The following ARHGAP24 variants were observed in gnomAD, a reference collection of about 807,000 sequenced individuals.
The protein encoded by ARHGAP24 is Rho GTPase activating protein 24.
Under a neutral mutation model 76.4 loss-of-function variants are expected in ARHGAP24, and 50 were observed. That is an observed-to-expected ratio of 0.65 (90% CI 0.52 to 0.83). ARHGAP24 has a LOEUF of 0.83. Among genes scored for constraint, ARHGAP24 ranks in the 40% least tolerant of loss-of-function variants. The probability of loss-of-function intolerance (pLI) is 0.00; values close to 1 mark genes in which losing one functional copy is unlikely to be tolerated. For synonymous variants in ARHGAP24, 345 were observed against 323.3 expected, an observed-to-expected ratio of 1.07 and a Z score of -0.72; for missense variants, 930 against 914.2, an observed-to-expected ratio of 1.02 and a Z score of -0.22.
chr4:85,726,488 G>A (rs1451687804), intron 3 of ARHGAP24, among the ~76,000 whole-genome samples: 1 of 152,136 alleles, frequency 6.6e-6, no homozygotes, highest in East Asian at 1.9e-4. Flanking sequence ...CCCTGAGGCG[G>A]TGATCCCTCT....
intron 3 of ARHGAP24, among the ~76,000 whole-genome samples, chr4:85,737,987 C>T (rs1725664523): frequency 6.6e-6 from 1 of 152,104 alleles, no homozygotes; most frequent in Admixed American, 6.5e-5. Context: ...GTGGTATGAT[C>T]TCGGCTCACT....
chr4:85,885,182 G>A (rs746123547), intron 3 of ARHGAP24, among the ~76,000 whole-genome samples: 4 of 151,920 alleles, frequency 2.6e-5, no homozygotes, highest in African/African-American at 7.3e-5. Context: ...GATTCATTAC[G>A]CTTCCTTTAT....
At chr4:85,884,612 A>C (rs2148772027) in intron 3 of ARHGAP24, among the ~76,000 whole-genome samples, 1 of 152,204 alleles carries the variant, frequency 6.6e-6, no homozygotes, top group South Asian at 2.1e-4. Context: ...CTATAAACTA[A>C]TCTCCATGCA....
intron 3 of ARHGAP24, among the ~76,000 whole-genome samples, chr4:85,792,236 C>T (rs552795875): frequency 5.3e-5 from 8 of 151,968 alleles, no homozygotes; most frequent in African/African-American, 1.9e-4. Flanking sequence ...AAACTTTTGA[C>T]GGTTTTAAAA....
intron 3 of ARHGAP24, among the ~76,000 whole-genome samples, chr4:85,863,414 T>C (rs1732014031): frequency 6.6e-6 from 1 of 152,088 alleles, no homozygotes. Context: ...TACTTGATAT[T>C]ATAATCTTTT....
At chr4:85,935,749 A>G (rs994545425) in intron 4 of ARHGAP24, among the ~76,000 whole-genome samples, 45 of 152,256 alleles carry the variant, frequency 3.0e-4, no homozygotes, top group African/African-American at 1.0e-3. Context: ...AACTTGCCTG[A>G]CTTGGAACCT....
intron 3 of ARHGAP24, among the ~76,000 whole-genome samples, chr4:85,746,959 G>A (rs1439534803): frequency 1.3e-5 from 2 of 152,086 alleles, no homozygotes; most frequent in East Asian, 3.9e-4. Context: ...AGCCTGATTG[G>A]CCTGTTTTAA....
At chr4:85,559,504 C>T (rs1560532540) in intron 1 of ARHGAP24, among the ~76,000 whole-genome samples, 2 of 152,188 alleles carry the variant, frequency 1.3e-5, no homozygotes. Flanking sequence ...ACATTTTCCT[C>T]CTGTCTAATT....
At chr4:85,575,139 T>TA (rs1727319827) in intron 2 of ARHGAP24, among the ~76,000 whole-genome samples, 1 of 152,098 alleles carries the variant, frequency 6.6e-6, no homozygotes, top group Non-Finnish European at 1.5e-5. Context: ...TTTTTTTAAT[T>TA]AAAAAAAGCA....
intron 2 of ARHGAP24, among the ~76,000 whole-genome samples, chr4:85,653,249 G>T (rs12644703): frequency 0.36 from 55,170 of 151,812 alleles, 11,110 homozygotes; most frequent in East Asian, 0.84. Context: ...AGCTGGCGAG[G>T]TTATTTTATA....
chr4:85,947,731 G>A (rs1432066730), intron 5 of ARHGAP24, among the ~76,000 whole-genome samples: 1 of 152,194 alleles, frequency 6.6e-6, no homozygotes, highest in Non-Finnish European at 1.5e-5. Flanking sequence ...GCAAACTTAA[G>A]TGCAAAGTTG....
At chr4:85,588,038 A>C (rs931009607) in intron 2 of ARHGAP24, among the ~76,000 whole-genome samples, 3 of 152,194 alleles carry the variant, frequency 2.0e-5, no homozygotes, top group Admixed American at 2.0e-4. Flanking sequence ...TCATGCAAAG[A>C]GAAGGAAGGA....
intron 3 of ARHGAP24, among the ~76,000 whole-genome samples, chr4:85,776,707 T>C (rs1349525637): frequency 6.6e-5 from 10 of 152,130 alleles, no homozygotes; most frequent in Admixed American, 6.6e-4. Context: ...CCCACTCCTG[T>C]TCTAAACAAT....
At chr4:85,722,503 C>G (rs377751543) in intron 3 of ARHGAP24, 1 of 159,650 alleles carries the variant, frequency 6.3e-6, no homozygotes, top group African/African-American at 2.4e-5. Flanking sequence ...CAACCACTTC[C>G]ACATGTTTTG....
chr4:85,724,335 CT>C (rs1228363443), intron 3 of ARHGAP24, among the ~76,000 whole-genome samples: 1 of 152,052 alleles, frequency 6.6e-6, no homozygotes, highest in Non-Finnish European at 1.5e-5. Context: ...TTAATTTCAT[CT>C]GCCCATAATG....
At chr4:85,866,076 C>T (rs1732182937) in intron 3 of ARHGAP24, among the ~76,000 whole-genome samples, 1 of 152,070 alleles carries the variant, frequency 6.6e-6, no homozygotes, top group African/African-American at 2.4e-5. Flanking sequence ...ACAATGATCC[C>T]TTATAGGCTC....
At position 85,778,053 on chromosome 4, in the gene ARHGAP24, T is replaced by G. The variant is rs181325852; in HGVS notation, c.268+56081T>G. On this transcript the variant is annotated intron_variant, in intron 3 of 9. Coordinates refer to ENST00000395184, the MANE Select transcript of ARHGAP24 (RefSeq NM_001025616.3). ...AAATGTGTGTCTAGTTTAAGAGCCGTGGAGTAGTATCACTGATACTAGGTA... is the reference window on the plus strand; with the variant it reads ...AAATGTGTGTCTAGTTTAAGAGCCGGGGAGTAGTATCACTGATACTAGGTA... Among the ~76,000 whole-genome samples the G allele has an allele frequency of 5.5e-3, 834 of 152,204 alleles. 2 individuals carry two copies. The highest frequency in any genetic ancestry group is 8.5e-3 in the Non-Finnish European group (581 of 67,988).
At chr4:85,843,964 T>C (rs1046003016) in intron 3 of ARHGAP24, among the ~76,000 whole-genome samples, 2 of 152,172 alleles carry the variant, frequency 1.3e-5, no homozygotes, top group African/African-American at 4.8e-5. Context: ...TTAAGTAGAA[T>C]GTGTGACACA....
chr4:85,767,121 C>T (rs1308623182), intron 3 of ARHGAP24, among the ~76,000 whole-genome samples: 1 of 152,090 alleles, frequency 6.6e-6, no homozygotes, highest in East Asian at 1.9e-4. Flanking sequence ...TATAAATATA[C>T]TCTGCAACAT....
Sources: gnomAD v4.1 joint callset for allele counts (sites outside exome capture counted in the v4.1 genomes callset) on GRCh38, gnomAD v4.1.1 for gene constraint, MANE v1.5 for transcripts, NCBI Gene and HGNC (gene_info 2026-07-23, HGNC 2026-07-21) for gene names.